The following GDA variants were observed in gnomAD, a reference collection of about 807,000 sequenced individuals.
GDA encodes guanine deaminase, also known as cytoplasmic PSD-95 interactor.
In GDA, 18 loss-of-function variants were observed where a neutral mutation model predicts 59.6. The observed-to-expected ratio is 0.30, with a 90% CI of 0.21 to 0.45. The LOEUF (loss-of-function observed/expected upper bound fraction) is 0.45, where lower values mean the gene tolerates loss of function less well. Ranked by LOEUF, GDA falls within the 20% of genes least tolerant of loss-of-function variation. The pLI, the probability that GDA is intolerant of heterozygous loss-of-function variation, is 1.00. For synonymous variants in GDA, 201 were observed against 201.1 expected, an observed-to-expected ratio of 1.00 and a Z score of 0.00; for missense variants, 427 against 552.3, an observed-to-expected ratio of 0.77 and a Z score of 2.27.
At chr9:72,149,346 G>C (rs556239387), upstream of GDA, 2 of 546,964 alleles carry the variant, frequency 3.7e-6, no homozygotes, top group African/African-American at 2.0e-5. Flanking sequence ...GAGCCAACTC[G>C]CGGGAGAAAA....
chr9:72,248,510 A>T lies in GDA; in HGVS notation c.*168A>T. 1 of 1,423,042 alleles carries T rather than the reference A, an allele frequency of 7.0e-7. No homozygotes were observed. Among genetic ancestry groups the T allele is most frequent in the East Asian group, 2.6e-5 (1 of 38,666 alleles). 88.2% of individuals were successfully genotyped at this position (1,423,042 alleles called of 1,614,324 possible). On this transcript the variant is annotated 3_prime_UTR_variant, in exon 14 of 14. Coordinates refer to ENST00000358399, the MANE Select transcript of GDA (RefSeq NM_004293.5). ...TGACAAATAGTTCGAAGGAAGTTGC[A>T]CTAATTCTCAACTCTGGTTGAGAGG...
chr9:72,249,290 T>C lies in GDA; in HGVS notation c.*948T>C, dbSNP rs1840459653. On this transcript the variant is annotated 3_prime_UTR_variant, in exon 14 of 14. Transcript: ENST00000358399. Reference sequence around the variant, plus strand: ...CAGGACAGGTTCCATTGCCATGGCCTATTCCACCCAAACAATATGTTGTAG... The same window carrying C: ...CAGGACAGGTTCCATTGCCATGGCCCATTCCACCCAAACAATATGTTGTAG... 5.1e-6 allele frequency: 5 copies of C among 985,212 alleles called. 1 individual carries two copies. In the South Asian group the frequency reaches 2.3e-4, roughly 46 times the overall value. The allele number at this position is 985,212 out of a possible 1,614,324, so 61.0% of individuals were successfully genotyped here. A position where few individuals can be genotyped will look rare whatever the true frequency, so the allele number is the denominator to read the frequency against.
chr9:72,234,559 G>A (rs1246491381), intron 10 of GDA, among the ~76,000 whole-genome samples: 1 of 152,136 alleles, frequency 6.6e-6, no homozygotes, highest in East Asian at 1.9e-4. Context: ...TGATCGATGT[G>A]AAGCCCAGAA....
At chr9:72,204,300 A>T (rs1286656924) in intron 3 of GDA, among the ~76,000 whole-genome samples, 1 of 152,220 alleles carries the variant, frequency 6.6e-6, no homozygotes, top group Non-Finnish European at 1.5e-5. Context: ...TATTCTCAAA[A>T]TTTATTTATG....
At chr9:72,241,797 G>T (rs1032333733) in intron 11 of GDA, among the ~76,000 whole-genome samples, 1 of 152,168 alleles carries the variant, frequency 6.6e-6, no homozygotes. Flanking sequence ...GGAGGCTGAG[G>T]TGGGAGGATC....
At chr9:72,208,158 G>A (rs1834950295) in intron 3 of GDA, among the ~76,000 whole-genome samples, 1 of 152,132 alleles carries the variant, frequency 6.6e-6, no homozygotes, top group Non-Finnish European at 1.5e-5. Context: ...TCTAATTAGA[G>A]GCTACTGTCT....
chr9:72,250,883 A>C lies in GDA; in HGVS notation c.*2541A>C. On this transcript the variant is annotated 3_prime_UTR_variant, in exon 14 of 14. Transcript: ENST00000358399. The stretch of plus-strand genomic sequence containing the variant: ...AGTATCGATTATCATAAATTCACAA[A>C]ATATTTTTGCAACCAGAACACAAAA... The C allele has an allele frequency of 6.4e-7, 1 of 1,567,616 alleles. No homozygotes were observed. Among genetic ancestry groups the C allele is most frequent in the Non-Finnish European group, 8.7e-7 (1 of 1,144,294 alleles).
chr9:72,243,189 G>T (rs1448962839), intron 11 of GDA, among the ~76,000 whole-genome samples: 4 of 152,124 alleles, frequency 2.6e-5, no homozygotes, highest in Non-Finnish European at 4.4e-5. Context: ...TTACTCCAAA[G>T]GCATCAAAAC....
At chr9:72,135,290 A>T (rs907811507) in intron 1 of GDA, among the ~76,000 whole-genome samples, 2 of 152,142 alleles carry the variant, frequency 1.3e-5, no homozygotes, top group African/African-American at 4.8e-5. Context: ...ATCAAATAAT[A>T]AAAAATAGCA....
At chr9:72,133,226 G>T (rs1321417373) in intron 1 of GDA, among the ~76,000 whole-genome samples, 1 of 145,160 alleles carries the variant, frequency 6.9e-6, no homozygotes, top group Non-Finnish European at 1.5e-5. Context: ...GGAGGCGGAG[G>T]TTGTAGTGAA....
intron 1 of GDA, among the ~76,000 whole-genome samples, chr9:72,139,180 C>A (rs115439844): frequency 1.3e-5 from 2 of 151,976 alleles, no homozygotes; most frequent in Non-Finnish European, 2.9e-5. Flanking sequence ...ATGACTTGTT[C>A]GAACCAAGCA....
chr9:72,253,627 A>G (rs1458605995), downstream of GDA: 2 of 152,196 alleles, frequency 1.3e-5, no homozygotes, highest in Non-Finnish European at 2.9e-5. Flanking sequence ...CCCAAGATGC[A>G]GTGGGCATGA....
At chr9:72,198,956 C>A (rs1392895311) in intron 2 of GDA, among the ~76,000 whole-genome samples, 1 of 150,666 alleles carries the variant, frequency 6.6e-6, no homozygotes, top group African/African-American at 2.5e-5. Flanking sequence ...AATTATGATG[C>A]TGATTAAGTA....
chr9:72,129,929 A>G (rs1825969581), intron 1 of GDA, among the ~76,000 whole-genome samples: 2 of 152,216 alleles, frequency 1.3e-5, no homozygotes, highest in Admixed American at 1.3e-4. Context: ...ACAAGATGAG[A>G]TAAGACCAAC....
In GDA at chr9:72,245,216, C is replaced by T; in HGVS notation, c.1204C>T (p.Pro402Ser). Residue 402 changes from proline (P) to serine (S), a missense_variant, in exon 12 of 14, where the codon CCC (proline) becomes TCC (serine). Coordinates refer to ENST00000358399, the MANE Select transcript of GDA (RefSeq NM_004293.5). ...GGAATTTGATGCCATCCTGATCAACCCCAAAGCATCCGACTCTCCCATTGA... is the reference window on the plus strand; with the variant it reads ...GGAATTTGATGCCATCCTGATCAACTCCAAAGCATCCGACTCTCCCATTGA... ...GKEFDAILIN[P>S]KASDSPIDLF... 1 of 1,611,418 alleles carries T rather than the reference C, an allele frequency of 6.2e-7. No homozygotes were observed. The highest frequency in any genetic ancestry group is 1.1e-5 in the South Asian group (1 of 91,014).
chr9:72,161,306 C>A (rs1345281581), intron 1 of GDA, among the ~76,000 whole-genome samples: 2 of 152,180 alleles, frequency 1.3e-5, no homozygotes, highest in African/African-American at 4.8e-5. Context: ...ACTTTATCAC[C>A]TTTGTGTTGA....
At chr9:72,179,232 A>C (rs1204425721) in intron 1 of GDA, among the ~76,000 whole-genome samples, 5 of 152,242 alleles carry the variant, frequency 3.3e-5, no homozygotes, top group Non-Finnish European at 7.3e-5. Flanking sequence ...ATCAAAGCAT[A>C]TTGTATCAGT....
At chr9:72,214,972 G>C (rs961992661) in intron 5 of GDA, 1 of 171,234 alleles carries the variant, frequency 5.8e-6, no homozygotes, top group East Asian at 1.9e-4. Context: ...GACCTCAGGT[G>C]ATCCACCTGC....
intron 6 of GDA, among the ~76,000 whole-genome samples, chr9:72,222,092 G>C (rs553666123): frequency 6.6e-6 from 1 of 152,284 alleles, no homozygotes; most frequent in East Asian, 1.9e-4. Context: ...GGATTGTTGA[G>C]TCAAATGGTA....
Sources: gnomAD v4.1 joint callset for allele counts (sites outside exome capture counted in the v4.1 genomes callset) on GRCh38, gnomAD v4.1.1 for gene constraint, MANE v1.5 for transcripts, NCBI Gene and HGNC (gene_info 2026-07-23, HGNC 2026-07-21) for gene names.